Variants in GNAS-AS1 observed in about 807,000 individuals in gnomAD.
The protein encoded by GNAS-AS1 is GNAS antisense RNA 1.
At chr20:58,819,316 C>T (rs1041723612) in intron 4 of GNAS-AS1, 8 of 398,086 alleles carry the variant, frequency 2.0e-5, no homozygotes, top group African/African-American at 1.6e-4. Context: ...GGATTAACAA[C>T]AGAAATGAAA....
At chr20:58,830,463 A>ACAC (rs2085554904) in intron 4 of GNAS-AS1, among the ~76,000 whole-genome samples, 1 of 104,696 alleles carries the variant, frequency 9.6e-6, no homozygotes, top group Non-Finnish European at 2.0e-5. Flanking sequence ...CATCACCACC[A>ACAC]CCACACCACC....
intron 4 of GNAS-AS1, among the ~76,000 whole-genome samples, chr20:58,835,460 C>T (rs2085596385): frequency 6.6e-6 from 1 of 152,250 alleles, no homozygotes; most frequent in East Asian, 1.9e-4. Context: ...TGGTTAGAAA[C>T]AAGTGGATTG....
At chr20:58,824,601 A>G (rs2085507794) in intron 4 of GNAS-AS1, among the ~76,000 whole-genome samples, 1 of 152,216 alleles carries the variant, frequency 6.6e-6, no homozygotes, top group African/African-American at 2.4e-5. Flanking sequence ...TAAAAATACT[A>G]TCATTCAACC....
At chr20:58,828,840 A>G (rs2085536987) in intron 4 of GNAS-AS1, among the ~76,000 whole-genome samples, 1 of 151,924 alleles carries the variant, frequency 6.6e-6, no homozygotes, top group African/African-American at 2.4e-5. Context: ...TCAACATGGC[A>G]GAGCTCCTGG....
intron 4 of GNAS-AS1, chr20:58,839,964 C>A: frequency 2.4e-6 from 2 of 829,288 alleles, no homozygotes; most frequent in Non-Finnish European, 3.8e-6. Flanking sequence ...TTTTTCTCCT[C>A]ACAAGGAGGT....
At chr20:58,838,259 C>T (rs1440924390) in intron 4 of GNAS-AS1, among the ~76,000 whole-genome samples, 1 of 152,178 alleles carries the variant, frequency 6.6e-6, no homozygotes, top group Non-Finnish European at 1.5e-5. Flanking sequence ...GGTTAGCTCC[C>T]ACTGTAGGGA....
intron 4 of GNAS-AS1, among the ~76,000 whole-genome samples, chr20:58,819,493 A>C (rs1409609565): frequency 6.6e-6 from 1 of 152,184 alleles, no homozygotes. Flanking sequence ...TGGTTTTGAA[A>C]ACATGGCCCT....
chr20:58,842,008 G>A lies in GNAS-AS1; in HGVS notation n.748C>T, dbSNP rs1600662306. 5.8e-6 allele frequency: 5 copies of A among 866,906 alleles called. No individual in the cohort carries two copies. The East Asian group carries it at 1.0e-4, about 17-fold the overall frequency. 53.7% of individuals were successfully genotyped at this position (866,906 alleles called of 1,614,324 possible). On this transcript the variant is annotated non_coding_transcript_exon_variant, in exon 4 of 5. Transcript: ENST00000424094. ...TTGGATCCGGCGCCAGTCCTTGGAC[G>A]ATCAGTCGTCGAAAAGGAGGCAGGG...
At chr20:58,842,936 T>C (rs2085794555) in intron 2 of GNAS-AS1, among the ~76,000 whole-genome samples, 1 of 152,216 alleles carries the variant, frequency 6.6e-6, no homozygotes, top group South Asian at 2.1e-4. Flanking sequence ...GCAGGATGAA[T>C]AAACAAGTTT....
At chr20:58,842,961 G>T (rs1425082011) in intron 2 of GNAS-AS1, among the ~76,000 whole-genome samples, 2 of 152,084 alleles carry the variant, frequency 1.3e-5, no homozygotes, top group Non-Finnish European at 2.9e-5. Flanking sequence ...AAAGCCCTCC[G>T]TGTCGAGCCC....
chr20:58,836,447 A>G (rs2085603797), intron 4 of GNAS-AS1: 2 of 152,144 alleles, frequency 1.3e-5, no homozygotes, highest in South Asian at 4.2e-4. Context: ...ATTCTTCACA[A>G]TTTATCCGAA....
At chr20:58,844,717 G>A (rs188995765) in intron 2 of GNAS-AS1, among the ~76,000 whole-genome samples, 159 of 151,664 alleles carry the variant, frequency 1.0e-3, no homozygotes, top group African/African-American at 1.7e-3. Context: ...AAAAAACATC[G>A]AAAGTTGCTC....
chr20:58,831,138 AAAG>A (rs1458922398), intron 4 of GNAS-AS1, among the ~76,000 whole-genome samples: 3 of 152,190 alleles, frequency 2.0e-5, no homozygotes, highest in African/African-American at 2.4e-5. Flanking sequence ...TAAAATATAA[AAAG>A]AAGTCCAGAT....
At chr20:58,848,939 G>A (rs1385057208) in intron 1 of GNAS-AS1, 2 of 398,182 alleles carry the variant, frequency 5.0e-6, no homozygotes, top group South Asian at 1.3e-4. Flanking sequence ...TAACAGGAGT[G>A]GAAAAAAGGG....
Position 58,840,664 on chromosome 20 carries a change from G to A in GNAS-AS1, n.819+1273C>T, listed in dbSNP as rs1426201349. 6.2e-7 allele frequency: 1 copy of A among 1,605,356 alleles called. No individual in the cohort carries two copies. Among genetic ancestry groups the A allele is most frequent in the East Asian group, 2.2e-5 (1 of 44,802 alleles). On this transcript the variant is annotated intron_variant and non_coding_transcript_variant, in intron 4 of 4. Transcript: ENST00000424094. This position sits in a 1 kb window ranked among gnomAD's most constrained non-coding sequence, Gnocchi z 6.0. ...CGCCGCCCAGCACTCAGGAGCCCCAGAGCCCCAGGGAAGGGGAGGAGCTCA... is the reference window on the plus strand; with the variant it reads ...CGCCGCCCAGCACTCAGGAGCCCCAAAGCCCCAGGGAAGGGGAGGAGCTCA...
intron 4 of GNAS-AS1, among the ~76,000 whole-genome samples, chr20:58,835,938 G>C (rs2085599697): frequency 1.0e-5 from 1 of 97,126 alleles, no homozygotes; most frequent in Non-Finnish European, 2.5e-5. Flanking sequence ...GCCTTGGTGA[G>C]GAAAGCTCCA....
At chr20:58,819,908 C>T (rs867744794) in intron 4 of GNAS-AS1, among the ~76,000 whole-genome samples, 2 of 152,332 alleles carry the variant, frequency 1.3e-5, no homozygotes, top group South Asian at 2.1e-4. Flanking sequence ...GACCCGGACT[C>T]AGGTCCAACA....
At chr20:58,847,093 C>G (rs1010351632) in intron 2 of GNAS-AS1, among the ~76,000 whole-genome samples, 13 of 152,234 alleles carry the variant, frequency 8.5e-5, no homozygotes, top group Admixed American at 4.6e-4. Context: ...GGTCAGAGGA[C>G]AGTGGCATGC....
At chr20:58,849,066 A>G in intron 1 of GNAS-AS1, 1 of 392,762 alleles carries the variant, frequency 2.5e-6, no homozygotes, top group East Asian at 3.6e-5. Context: ...GTGATTTTCA[A>G]CTGGGGGAGA....
Sources: gnomAD v4.1 joint callset for allele counts (sites outside exome capture counted in the v4.1 genomes callset) on GRCh38, gnomAD v4.1.1 for gene constraint, Gnocchi (gnomAD v3.1) non-coding constraint, MANE v1.5 for transcripts, NCBI Gene and HGNC (gene_info 2026-07-23, HGNC 2026-07-21) for gene names.